TGFA: variants seen among roughly 807,000 people sequenced by gnomAD.
TGFA encodes protransforming growth factor alpha.
Under a neutral mutation model 21.7 loss-of-function variants are expected in TGFA, and 12 were observed. That is an observed-to-expected ratio of 0.55 (90% confidence interval 0.35 to 0.90). The LOEUF (loss-of-function observed/expected upper bound fraction) is 0.90, where lower values mean the gene tolerates loss of function less well. TGFA is among the 40% of genes least tolerant of loss of function. TGFA has a pLI of 0.01. For missense variants in TGFA, 178 were observed against 210.8 expected (o/e 0.84, Z 0.96); for synonymous variants, 79 against 88.1 (o/e 0.90, Z 0.58).
chr2:70,514,899 A>G lies in TGFA; in HGVS notation c.54T>C (p.Ala18=), dbSNP rs373871342. The G allele has an allele frequency of 9.9e-6, 16 of 1,614,004 alleles. No homozygotes were observed. The highest frequency in any genetic ancestry group is 6.7e-5 in the East Asian group (3 of 44,876). The stretch of plus-strand genomic sequence containing the variant: ...TGCTGTTCTCCAAGGCCTGGCACGC[A>G]GCCAACACAATACCTGTTGGGTGGA... ...LALFALGIVL[A]ACQALENSTS... The change falls in exon 2 of 6, where the codon GCT becomes GCC. Residue 18 remains alanine (A), a synonymous_variant. Transcript: ENST00000295400.
intron 1 of TGFA, among the ~76,000 whole-genome samples, chr2:70,535,139 G>A (rs1672934771): frequency 6.6e-6 from 1 of 152,120 alleles, no homozygotes; most frequent in South Asian, 2.1e-4. Flanking sequence ...GAAGAACTAT[G>A]AGCCAGGCAA....
intron 5 of TGFA, among the ~76,000 whole-genome samples, 200 bp from the exon 6 acceptor site, chr2:70,451,066 C>CTA (rs1374428486): frequency 2.6e-5 from 4 of 151,378 alleles, no homozygotes; most frequent in Admixed American, 2.6e-4. Context: ...CCAAAGGAAG[C>CTA]TAGAGAGACT....
intron 1 of TGFA, among the ~76,000 whole-genome samples, chr2:70,522,683 C>A (rs1553502472): frequency 5.9e-5 from 9 of 152,180 alleles, no homozygotes; most frequent in Non-Finnish European, 1.5e-5. Context: ...GATCCACCTG[C>A]CTCGACCTCC....
intron 2 of TGFA, among the ~76,000 whole-genome samples, chr2:70,471,503 A>G (rs1271190438): frequency 3.9e-5 from 6 of 152,194 alleles, no homozygotes; most frequent in Non-Finnish European, 8.8e-5. Context: ...ATCTCCAACA[A>G]GTGAGGGCGG....
At chr2:70,493,485 C>T (rs1386592556) in intron 2 of TGFA, among the ~76,000 whole-genome samples, 4 of 152,128 alleles carry the variant, frequency 2.6e-5, no homozygotes, top group African/African-American at 9.7e-5. Flanking sequence ...GTGAGGCCTC[C>T]ACCCCCGATT....
intron 2 of TGFA, among the ~76,000 whole-genome samples, chr2:70,468,694 G>GGA (rs1670646369): frequency 6.6e-6 from 1 of 152,126 alleles, no homozygotes; most frequent in African/African-American, 2.4e-5. Context: ...TGCATGTGAG[G>GGA]GATCTAGGCT....
intron 2 of TGFA, among the ~76,000 whole-genome samples, chr2:70,488,732 C>T (rs1376209431): frequency 6.6e-6 from 1 of 152,170 alleles, no homozygotes; most frequent in Admixed American, 6.5e-5. Flanking sequence ...CGTTAGAGGA[C>T]TGACATTATA....
chr2:70,551,478 A>G (rs112512914), intron 1 of TGFA, among the ~76,000 whole-genome samples: 12,959 of 152,266 alleles, frequency 0.085, 750 homozygotes, highest in Middle Eastern at 0.16. Flanking sequence ...AGCCCCACGG[A>G]GGTTTCCTAG....
At chr2:70,513,162 G>A (rs1672158650) in intron 2 of TGFA, among the ~76,000 whole-genome samples, 1 of 152,170 alleles carries the variant, frequency 6.6e-6, no homozygotes, top group Non-Finnish European at 1.5e-5. Flanking sequence ...ACCCCCAACT[G>A]GCCCAGTGTC....
intron 2 of TGFA, among the ~76,000 whole-genome samples, chr2:70,499,134 C>T (rs1553498755): frequency 6.6e-6 from 1 of 152,194 alleles, no homozygotes; most frequent in Non-Finnish European, 1.5e-5. Context: ...TGCAGATCCC[C>T]AGGCCCTACC....
intron 1 of TGFA, among the ~76,000 whole-genome samples, chr2:70,520,304 C>T (rs538235640): frequency 3.3e-5 from 5 of 152,222 alleles, no homozygotes; most frequent in East Asian, 1.9e-4. Context: ...ATGCCTTTTA[C>T]GCCTTTTGAG....
intron 2 of TGFA, among the ~76,000 whole-genome samples, chr2:70,505,608 C>T (rs185332326): frequency 6.6e-6 from 1 of 152,164 alleles, no homozygotes; most frequent in Admixed American, 6.5e-5. Flanking sequence ...TAAATCCAAG[C>T]CCCCAAAAGT....
chr2:70,538,600 G>A (rs1553504788), intron 1 of TGFA, among the ~76,000 whole-genome samples: 1 of 152,202 alleles, frequency 6.6e-6, no homozygotes, highest in Non-Finnish European at 1.5e-5. Context: ...GGTGGGAATA[G>A]CAAGAGAACT....
At position 70,487,796 on chromosome 2, in the gene TGFA, C is replaced by T. The variant is rs544251303; in HGVS notation, c.95-22060G>A. On this transcript the variant is annotated intron_variant, in intron 2 of 5. Coordinates refer to ENST00000295400, the MANE Select transcript of TGFA (RefSeq NM_003236.4). ...GAAACATTATATGAAACCGAATATC[C>T]TTCTACATAGATCTTTGTTCACGCA... Among the ~76,000 whole-genome samples the T allele has an allele frequency of 2.0e-5, 3 of 152,312 alleles. No homozygotes were observed. In the South Asian group the frequency reaches 6.2e-4, roughly 32 times the overall value.
chr2:70,526,925 TAACA>T (rs1672654921), intron 1 of TGFA, among the ~76,000 whole-genome samples: 1 of 152,220 alleles, frequency 6.6e-6, no homozygotes, highest in Admixed American at 6.5e-5. Flanking sequence ...TTCAGGTTAC[TAACA>T]GTTAGTGTAT....
intron 2 of TGFA, among the ~76,000 whole-genome samples, chr2:70,477,302 C>T (rs1458792112): frequency 6.6e-6 from 1 of 152,178 alleles, no homozygotes; most frequent in Non-Finnish European, 1.5e-5. Flanking sequence ...TAAGAGATGA[C>T]CTCGGGCTTG....
chr2:70,504,172 G>A (rs1183812301), intron 2 of TGFA, among the ~76,000 whole-genome samples: 1 of 151,856 alleles, frequency 6.6e-6, no homozygotes, highest in Non-Finnish European at 1.5e-5. Context: ...CCAACACTGG[G>A]AGGCCGAGGT....
At chr2:70,553,179 C>G (rs1673567990) in intron 1 of TGFA, 8 of 1,536,108 alleles carry the variant, frequency 5.2e-6, no homozygotes, top group Non-Finnish European at 7.0e-6. Context: ...AAATCCAAAA[C>G]CTACCCCCAA....
At chr2:70,504,479 TACATACAC>T (rs1296681578) in intron 2 of TGFA, among the ~76,000 whole-genome samples, 1 of 87,268 alleles carries the variant, frequency 1.1e-5, no homozygotes, top group South Asian at 3.4e-4. Flanking sequence ...CATACATACA[TACATACAC>T]ACACACACAC....
Sources: allele counts gnomAD v4.1 joint callset (sites outside exome capture counted in the v4.1 genomes callset), GRCh38; gene constraint gnomAD v4.1.1; transcripts MANE v1.5; gene names NCBI Gene and HGNC (gene_info 2026-07-23, HGNC 2026-07-21).